LHX8: variants seen among roughly 807,000 people sequenced by gnomAD.
LHX8 encodes the protein LIM/homeobox protein Lhx8.
Under a neutral mutation model 40.3 loss-of-function variants are expected in LHX8, and 12 were observed. That is an observed-to-expected ratio of 0.30 (90% CI 0.19 to 0.48). The LOEUF (loss-of-function observed/expected upper bound fraction) is 0.48. Among genes scored for constraint, LHX8 ranks in the 20% least tolerant of loss-of-function variants. The probability of loss-of-function intolerance (pLI) is 0.99; values close to 1 mark genes in which losing one functional copy is unlikely to be tolerated. For missense variants in LHX8, 344 were observed against 433.7 expected, an observed-to-expected ratio of 0.79 and a Z score of 1.84; for synonymous variants, 179 against 162.0, an observed-to-expected ratio of 1.10 and a Z score of -0.80.
downstream of LHX8, among the ~76,000 whole-genome samples, chr1:75,165,867 C>G (rs1649022199): frequency 6.6e-6 from 1 of 152,098 alleles, no homozygotes; most frequent in South Asian, 2.1e-4. Context: ...CTTTTTACAC[C>G]ATTTAGCATG....
upstream of LHX8, among the ~76,000 whole-genome samples, chr1:75,134,386 T>C (rs1028872799): frequency 6.6e-6 from 1 of 151,146 alleles, no homozygotes; most frequent in Non-Finnish European, 1.5e-5. Flanking sequence ...CAGGAAAAGC[T>C]CAGTGCTCAC....
chr1:75,142,703 T>G (rs1648348160), intron 4 of LHX8, among the ~76,000 whole-genome samples: 1 of 152,208 alleles, frequency 6.6e-6, no homozygotes, highest in African/African-American at 2.4e-5. Flanking sequence ...AGTCATTATT[T>G]ATATCTTCAG....
At chr1:75,149,348 G>T (rs1648544642) in intron 7 of LHX8, among the ~76,000 whole-genome samples, 1 of 152,176 alleles carries the variant, frequency 6.6e-6, no homozygotes, top group Non-Finnish European at 1.5e-5. Flanking sequence ...CTTATGAGCA[G>T]GTAAAAGCCA....
intron 8 of LHX8, among the ~76,000 whole-genome samples, chr1:75,157,803 C>T (rs937880077): frequency 1.3e-5 from 2 of 152,160 alleles, no homozygotes; most frequent in African/African-American, 4.8e-5. Context: ...CACAATTTAT[C>T]CATTTCCTGG....
At chr1:75,181,754 A>ATGCAGAAATCATCTGTCTTC in the LHX8 span, among the ~76,000 whole-genome samples, 1 of 152,212 alleles carries the variant, frequency 6.6e-6, no homozygotes, top group Non-Finnish European at 1.5e-5. Context: ...TCTGTTGGAA[A>ATGCAGAAATCATCTGTCTTC]TGCAGAAATC....
chr1:75,149,803 T>G (rs1219064899), intron 7 of LHX8, among the ~76,000 whole-genome samples: 2 of 152,100 alleles, frequency 1.3e-5, no homozygotes, highest in African/African-American at 2.4e-5. Context: ...TCCCTTGGCC[T>G]CCCAAAGTGC....
chr1:75,138,578 GAT>G (rs1459623930), intron 3 of LHX8, among the ~76,000 whole-genome samples: 1 of 152,056 alleles, frequency 6.6e-6, no homozygotes, highest in Non-Finnish European at 1.5e-5. Context: ...GAGCATTTTG[GAT>G]ATTGCAAAAT....
chr1:75,167,009 A>G, the LHX8 span, among the ~76,000 whole-genome samples: 2 of 152,218 alleles, frequency 1.3e-5, no homozygotes, highest in Non-Finnish European at 2.9e-5. Context: ...GCAAAGGCAG[A>G]GTTGCAGCCT....
At chr1:75,135,814 T>C (rs1648107980) in intron 1 of LHX8, among the ~76,000 whole-genome samples, 1 of 152,276 alleles carries the variant, frequency 6.6e-6, no homozygotes, top group African/African-American at 2.4e-5. Context: ...TTTCCATTAT[T>C]CTACCCGCTT....
the LHX8 span, among the ~76,000 whole-genome samples, chr1:75,192,210 A>G: frequency 6.6e-6 from 1 of 152,230 alleles, no homozygotes; most frequent in African/African-American, 2.4e-5. Context: ...TTGTCATATA[A>G]TAAGCATTTC....
chr1:75,156,342 A>G (rs1356566713), intron 7 of LHX8, among the ~76,000 whole-genome samples: 1 of 152,040 alleles, frequency 6.6e-6, no homozygotes, highest in African/African-American at 2.4e-5. Context: ...CCTGGGCTCA[A>G]GTGATTCTCC....
chr1:75,136,574 C>T (rs1439243618), intron 1 of LHX8, 29 bp from the exon 2 acceptor site: 14 of 1,490,156 alleles, frequency 9.4e-6, no homozygotes, highest in Middle Eastern at 3.4e-4. Context: ...ATCTGTTTCT[C>T]CATACTTTCT....
chr1:75,143,365 G>A (rs772454795), intron 5 of LHX8, 27 bp downstream of exon 5: 69 of 1,536,936 alleles, frequency 4.5e-5, no homozygotes, highest in Non-Finnish European at 5.5e-5. Flanking sequence ...ATACTTTTGA[G>A]TCTTTTGAGA....
At chr1:75,169,036 C>G in the LHX8 span, among the ~76,000 whole-genome samples, 1 of 152,126 alleles carries the variant, frequency 6.6e-6, no homozygotes, top group East Asian at 1.9e-4. Context: ...TGAAACCCCC[C>G]CTGTGGCTTT....
At chr1:75,182,405 C>T in the LHX8 span, among the ~76,000 whole-genome samples, 4 of 122,456 alleles carry the variant, frequency 3.3e-5, no homozygotes, top group South Asian at 2.7e-4. Flanking sequence ...CCGAGTTTCA[C>T]TCTTGTTGCC....
the LHX8 span, among the ~76,000 whole-genome samples, chr1:75,199,344 C>T: frequency 6.6e-6 from 1 of 152,164 alleles, no homozygotes; most frequent in Admixed American, 6.5e-5. Context: ...GCACATTCAT[C>T]TGCCTGGAAG....
chr1:75,131,346 G>T (rs188468388), upstream of LHX8: 17 of 159,262 alleles, frequency 1.1e-4, no homozygotes, highest in East Asian at 2.8e-3. Flanking sequence ...AGAGGCAAAG[G>T]GTTCAATAGT....
chr1:75,143,740 CAT>C (rs1648383526), intron 5 of LHX8, 103 bp from the exon 6 acceptor site: 3 of 838,678 alleles, frequency 3.6e-6, no homozygotes, highest in Non-Finnish European at 6.2e-6. Context: ...GTCTAGAAAA[CAT>C]ATACAGTTAC....
the LHX8 span, among the ~76,000 whole-genome samples, chr1:75,191,440 G>A: frequency 3.3e-5 from 5 of 152,124 alleles, no homozygotes; most frequent in African/African-American, 4.8e-5. Context: ...AGGGAAACAC[G>A]GTTGGAGCAT....
Sources: allele counts gnomAD v4.1 joint callset (sites outside exome capture counted in the v4.1 genomes callset), GRCh38; gene constraint gnomAD v4.1.1; transcripts MANE v1.5; gene names NCBI Gene and HGNC (gene_info 2026-07-23, HGNC 2026-07-21).